Variants in TG observed in about 807,000 individuals in gnomAD.
TG encodes the protein thyroid hormones.
TG carries 270 observed loss-of-function variants against 324.7 expected under a neutral mutation model. The observed-to-expected ratio is 0.83, with a 90% CI of 0.75 to 0.92. The LOEUF (loss-of-function observed/expected upper bound fraction) is 0.92. Among genes scored for constraint, TG ranks in the 40% least tolerant of loss-of-function variants. The pLI is 0.00. For synonymous variants in TG, 1,401 were observed against 1,327.0 expected, an observed-to-expected ratio of 1.06 and a Z score of -1.21; for missense variants, 3,591 against 3,456.4, an observed-to-expected ratio of 1.04 and a Z score of -0.98.
chr8:132,994,837 G>A (rs1832719661), intron 35 of TG: 1 of 1,275,706 alleles, frequency 7.8e-7, no homozygotes, highest in African/African-American at 1.5e-5. Context: ...AAGGGGCTGG[G>A]TCAGATGATG....
At chr8:133,081,490 A>T (rs185576437) in intron 41 of TG, among the ~76,000 whole-genome samples, 272 of 152,292 alleles carry the variant, frequency 1.8e-3, no homozygotes, top group South Asian at 5.2e-3. Flanking sequence ...GTCCATCTGG[A>T]TGAGCTGATT....
At chr8:132,997,846 A>G (rs1161435247) in intron 35 of TG, among the ~76,000 whole-genome samples, 2 of 152,228 alleles carry the variant, frequency 1.3e-5, no homozygotes, top group Non-Finnish European at 2.9e-5. Flanking sequence ...CAGTGAATTA[A>G]AAACAGTATG....
chr8:132,927,164 G>A (rs1370964163), intron 22 of TG, among the ~76,000 whole-genome samples: 6 of 152,144 alleles, frequency 3.9e-5, no homozygotes, highest in Non-Finnish European at 8.8e-5. Flanking sequence ...GTGCATATGT[G>A]TGTACACGTT....
intron 41 of TG, chr8:133,075,056 G>A: frequency 1.0e-6 from 1 of 985,476 alleles, no homozygotes; most frequent in Non-Finnish European, 1.2e-6. Flanking sequence ...CTAGGAACGA[G>A]GAAGGCACAG....
At chr8:132,906,081 G>A (rs75140932) in intron 16 of TG, among the ~76,000 whole-genome samples, 10,683 of 152,266 alleles carry the variant, frequency 0.07, 610 homozygotes, top group East Asian at 0.31. Context: ...GGATGTGGGA[G>A]CAGAAAGGCA....
intron 26 of TG, among the ~76,000 whole-genome samples, chr8:132,944,710 G>C (rs907328498): frequency 1.3e-5 from 2 of 152,198 alleles, no homozygotes; most frequent in Non-Finnish European, 2.9e-5. Context: ...GGTCCAGAGG[G>C]AGAAAAGGAT....
At chr8:133,039,922 T>C in intron 41 of TG, 1 of 1,514,014 alleles carries the variant, frequency 6.6e-7, no homozygotes, top group South Asian at 1.2e-5. Flanking sequence ...ACACACCGTT[T>C]TGTGCTCACA....
intron 34 of TG, among the ~76,000 whole-genome samples, chr8:132,977,554 G>A (rs549522570): frequency 6.6e-6 from 1 of 152,214 alleles, no homozygotes; most frequent in South Asian, 2.1e-4. Flanking sequence ...GGTTCCACAT[G>A]ACTGAGGAAG....
In TG at chr8:132,886,488, G is replaced by C; in HGVS notation, c.1116G>C (p.Leu372Phe). 2 of 1,614,190 alleles carry C rather than the reference G, an allele frequency of 1.2e-6. No individual in the cohort carries two copies. The highest frequency in any genetic ancestry group is 8.5e-7 in the Non-Finnish European group (1 of 1,180,036). Residue 372 changes from leucine to phenylalanine, a missense_variant, in exon 9 of 48, where the codon TTG (leucine) becomes TTC (phenylalanine). Physicochemically the swap from Leu to Phe is conservative, Grantham distance 22 (BLOSUM62 0). Coordinates refer to ENST00000220616, the MANE Select transcript of TG (RefSeq NM_003235.5). ...GTGCCTCCGAAAGGCAGCAGGCCTTGTCCAGACTCTACTTTGGGACCTCAG... is the reference window on the plus strand; with the variant it reads ...GTGCCTCCGAAAGGCAGCAGGCCTTCTCCAGACTCTACTTTGGGACCTCAG... ...QSCASERQQA[L>F]SRLYFGTSGY...
At position 133,068,667 on chromosome 8, in the gene TG, C is replaced by T. The variant is rs989603667; in HGVS notation, c.7240-26377C>T. ...CACCACCACACTGACGCAAGGGGCT[C>T]AGTGACCCAGACGTGTCAGTACAGT... On this transcript the variant is annotated intron_variant, in intron 41 of 47. Coordinates refer to ENST00000220616, the MANE Select transcript of TG (RefSeq NM_003235.5). 3.9e-5 allele frequency among the ~76,000 whole-genome samples: 6 copies of T among 152,196 alleles called. No homozygotes were observed. The South Asian group carries it at 1.0e-3, about 26-fold the overall frequency.
chr8:133,073,430 A>G (rs1844373960), intron 41 of TG, among the ~76,000 whole-genome samples: 1 of 152,098 alleles, frequency 6.6e-6, no homozygotes, highest in African/African-American at 2.4e-5. Flanking sequence ...ATCTCAGCTC[A>G]CTGCAACCTG....
intron 35 of TG, among the ~76,000 whole-genome samples, chr8:132,992,217 A>G (rs1300436419): frequency 2.0e-5 from 3 of 152,180 alleles, no homozygotes; most frequent in Non-Finnish European, 2.9e-5. Flanking sequence ...AGGATGCACC[A>G]TAGGCTCCCT....
chr8:133,028,482 G>A (rs1373179371), intron 40 of TG, among the ~76,000 whole-genome samples: 1 of 152,218 alleles, frequency 6.6e-6, no homozygotes, highest in Non-Finnish European at 1.5e-5. Context: ...TCTGCTAAGA[G>A]CATCAGCAAC....
chr8:132,983,871 ACTGGCCCTGAGT>A (rs1042327159), intron 35 of TG: 28 of 252,774 alleles, frequency 1.1e-4, no homozygotes, highest in African/African-American at 5.7e-4. Flanking sequence ...ATGATGAAAC[ACTGGCCCTGAGT>A]CCAGGAGCCC....
intron 35 of TG, among the ~76,000 whole-genome samples, chr8:133,000,083 C>T (rs1350732868): frequency 6.6e-6 from 1 of 152,138 alleles, no homozygotes; most frequent in Non-Finnish European, 1.5e-5. Flanking sequence ...ATCATGCATT[C>T]AACAATGCAG....
intron 27 of TG, among the ~76,000 whole-genome samples, chr8:132,950,632 G>A (rs371254025): frequency 6.6e-6 from 1 of 152,150 alleles, no homozygotes. Flanking sequence ...CCGCAATTGC[G>A]CATTTGCCTG....
At chr8:133,059,994 A>G in intron 41 of TG, 1 of 1,113,160 alleles carries the variant, frequency 9.0e-7, no homozygotes, top group Non-Finnish European at 1.3e-6. Context: ...GCCCTTCGGT[A>G]CCCATTGCCC....
At chr8:132,900,742 A>T (rs943539177) in intron 15 of TG, among the ~76,000 whole-genome samples, 2 of 152,062 alleles carry the variant, frequency 1.3e-5, no homozygotes, top group African/African-American at 4.8e-5. Context: ...AAATGCTCCC[A>T]TCATCTTCGG....
At chr8:132,875,092 A>G (rs1839838769) in intron 5 of TG, among the ~76,000 whole-genome samples, 1 of 152,158 alleles carries the variant, frequency 6.6e-6, no homozygotes. Context: ...GCCCCTGCTC[A>G]TTACACCATA....
Sources: allele counts gnomAD v4.1 joint callset (sites outside exome capture counted in the v4.1 genomes callset), GRCh38; gene constraint gnomAD v4.1.1; transcripts MANE v1.5; gene names NCBI Gene and HGNC (gene_info 2026-07-23, HGNC 2026-07-21).